The following UBR2 variants were observed in gnomAD, a reference collection of about 807,000 sequenced individuals.
UBR2 encodes ubiquitin protein ligase E3 component n-recognin 2.
UBR2 carries 92 observed loss-of-function variants against 247.9 expected under a neutral mutation model. The observed-to-expected ratio is 0.37, with a 90% CI of 0.31 to 0.44. The LOEUF is 0.44. Among genes scored for constraint, UBR2 ranks in the 20% least tolerant of loss-of-function variants. The probability of loss-of-function intolerance (pLI) is 1.00; values close to 1 mark genes in which losing one functional copy is unlikely to be tolerated. For synonymous variants in UBR2, 672 were observed against 693.5 expected (o/e 0.97, Z 0.49); for missense variants, 1,613 against 2,112.6 (o/e 0.76, Z 4.64).
chr6:42,568,603 G>C (rs1227661793), intron 1 of UBR2, among the ~76,000 whole-genome samples: 2 of 151,946 alleles, frequency 1.3e-5, no homozygotes, highest in Non-Finnish European at 2.9e-5. Flanking sequence ...GGTGGCAGGC[G>C]CCTGTGGTCC....
At chr6:42,589,689 G>C (rs190945252) in intron 2 of UBR2, among the ~76,000 whole-genome samples, 76 of 152,172 alleles carry the variant, frequency 5.0e-4, no homozygotes, top group African/African-American at 1.7e-3. Context: ...ATAGATATAG[G>C]CCTGTTCAGA....
In UBR2 at chr6:42,603,608, A is replaced by G. The variant is rs16895863; in HGVS notation, c.552A>G (p.Ser184=). The G allele has an allele frequency of 2.5e-6, 4 of 1,572,604 alleles. No individual in the cohort carries two copies. Among genetic ancestry groups the G allele is most frequent in the Non-Finnish European group, 3.4e-6 (4 of 1,168,594 alleles). Residue 184 remains serine, a synonymous_variant, in exon 5 of 47, where the codon TCA becomes TCG. Transcript: ENST00000372901. Reference sequence around the variant, plus strand: ...TTCAGGATCCTCTTGTTCATTTATCAGAAGATGTGATAGCAAGAACTTATA... The same window carrying G: ...TTCAGGATCCTCTTGTTCATTTATCGGAAGATGTGATAGCAAGAACTTATA... ...EEEEDPLVHL[S]EDVIARTYNI...
chr6:42,614,215 T>TACAC (rs1317293687), intron 8 of UBR2, among the ~76,000 whole-genome samples: 2 of 50,064 alleles, frequency 4.0e-5, no homozygotes, highest in African/African-American at 1.3e-4. Context: ...ACTATATATA[T>TACAC]ATACACACAC....
chr6:42,678,040 C>A (rs1359005087), intron 40 of UBR2, among the ~76,000 whole-genome samples: 1 of 151,938 alleles, frequency 6.6e-6, no homozygotes, highest in Non-Finnish European at 1.5e-5. Flanking sequence ...CTCTTTATGT[C>A]ACTATGTTAC....
At chr6:42,680,640 T>C (rs1476691149) in intron 42 of UBR2, among the ~76,000 whole-genome samples, 2 of 152,182 alleles carry the variant, frequency 1.3e-5, no homozygotes, top group East Asian at 1.9e-4. Context: ...CCCTCAACTT[T>C]ATATTTGAGA....
At chr6:42,687,183 A>G (rs2151996929) in intron 44 of UBR2, among the ~76,000 whole-genome samples, 1 of 152,340 alleles carries the variant, frequency 6.6e-6, no homozygotes, top group African/African-American at 2.4e-5. Flanking sequence ...ACTGCACTCC[A>G]GCCTGGGCAA....
In UBR2 at chr6:42,684,763, G is replaced by C. The variant is rs749223048; in HGVS notation, c.4776-31G>C. ...TAGTATAATATGACCTAAATTAATG[G>C]AGTGTTCTTTAATTTTTCTCTTTTT... On this transcript the variant is annotated intron_variant, in intron 43 of 46. Coordinates refer to ENST00000372901, the MANE Select transcript of UBR2 (RefSeq NM_001363705.2). 6 of 1,532,056 alleles carry C rather than the reference G, an allele frequency of 3.9e-6. No individual in the cohort carries two copies. The South Asian group carries it at 6.8e-5, about 17-fold the overall frequency. The allele number at this position is 1,532,056 out of a possible 1,614,324, so 94.9% of individuals were successfully genotyped here.
intron 33 of UBR2, among the ~76,000 whole-genome samples, chr6:42,665,723 T>A (rs1053092836): frequency 6.6e-6 from 1 of 152,038 alleles, no homozygotes; most frequent in Non-Finnish European, 1.5e-5. Flanking sequence ...AATAAACACT[T>A]CTCACTTATT....
At chr6:42,586,898 T>C (rs578003937) in intron 2 of UBR2, among the ~76,000 whole-genome samples, 9 of 148,362 alleles carry the variant, frequency 6.1e-5, no homozygotes, top group African/African-American at 2.3e-4. Flanking sequence ...CTCGGCTCAC[T>C]GCAACCTCGC....
intron 8 of UBR2, among the ~76,000 whole-genome samples, chr6:42,614,424 A>ATACATATATACG (rs143366431): frequency 1.5e-4 from 13 of 87,814 alleles, no homozygotes; most frequent in Admixed American, 8.9e-4. Flanking sequence ...ACGTACGTAC[A>ATACATATATACG]TATATATGTA....
At chr6:42,591,333 C>T (rs1365548659) in intron 2 of UBR2, among the ~76,000 whole-genome samples, 2 of 152,200 alleles carry the variant, frequency 1.3e-5, no homozygotes, top group African/African-American at 4.8e-5. Context: ...CCCTTATCTA[C>T]AAGAGTTTTA....
chr6:42,592,310 A>G (rs960285719), intron 3 of UBR2, 81 bp downstream of exon 3: 3 of 1,133,382 alleles, frequency 2.6e-6, no homozygotes, highest in African/African-American at 3.3e-5. Flanking sequence ...AAATGCAAAG[A>G]TTTAACACTA....
chr6:42,595,196 T>C (rs1792891091), intron 4 of UBR2, among the ~76,000 whole-genome samples: 1 of 152,182 alleles, frequency 6.6e-6, no homozygotes, highest in Non-Finnish European at 1.5e-5. Context: ...TATTTGAAAA[T>C]ATACAGTAAA....
At chr6:42,675,906 G>A (rs542033794) in intron 38 of UBR2, 150 bp from the exon 39 acceptor site, 51 of 1,002,168 alleles carry the variant, frequency 5.1e-5, no homozygotes, top group Middle Eastern at 2.2e-4. Flanking sequence ...GCAGTGAACC[G>A]AGGTTGCGCC....
At chr6:42,609,711 C>T (rs1793939216) in intron 7 of UBR2, among the ~76,000 whole-genome samples, 1 of 151,226 alleles carries the variant, frequency 6.6e-6, no homozygotes, top group South Asian at 2.1e-4. Flanking sequence ...ATGGCAAAAT[C>T]CCATTCCTAC....
chr6:42,636,893 G>A, intron 14 of UBR2, 118 bp from the exon 15 acceptor site: 1 of 1,064,612 alleles, frequency 9.4e-7, no homozygotes, highest in Non-Finnish European at 1.3e-6. Context: ...AGGGAGGATT[G>A]AGTTTGGTTT....
Position 42,592,190 on chromosome 6 carries a change from G to A in UBR2, c.378G>A (p.Glu126=), listed in dbSNP as rs748150721. 6.3e-6 allele frequency: 10 copies of A among 1,598,870 alleles called. No homozygotes were observed. The highest frequency in any genetic ancestry group is 5.4e-5 in the Admixed American group (3 of 55,278). Residue 126 remains glutamate (E), a synonymous_variant, in exon 3 of 47, where the codon GAG becomes GAA. Coordinates refer to ENST00000372901, the MANE Select transcript of UBR2 (RefSeq NM_001363705.2). Reference sequence around the variant, plus strand: ...ATCCAACTTGTGTTTTGTGCATGGAGTGCTTTTTGGGAAGTATTCACAGAG... The same window carrying A: ...ATCCAACTTGTGTTTTGTGCATGGAATGCTTTTTGGGAAGTATTCACAGAG... ...AVDPTCVLCM[E]CFLGSIHRDH... is the part of the protein sequence containing the mutation.
At chr6:42,658,215 GA>G (rs1176161972) in intron 27 of UBR2, 24 bp from the exon 28 acceptor site, 2 of 1,609,592 alleles carry the variant, frequency 1.2e-6, no homozygotes, top group South Asian at 2.2e-5. Flanking sequence ...TTTCATACAG[GA>G]TACTGATACT....
At chr6:42,618,684 G>A (rs1361525200) in intron 11 of UBR2, among the ~76,000 whole-genome samples, 1 of 152,196 alleles carries the variant, frequency 6.6e-6, no homozygotes. Context: ...AATTGGACGA[G>A]GATAAAAGTG....
Sources: gnomAD v4.1 joint callset for allele counts (sites outside exome capture counted in the v4.1 genomes callset) on GRCh38, gnomAD v4.1.1 for gene constraint, MANE v1.5 for transcripts, NCBI Gene and HGNC (gene_info 2026-07-23, HGNC 2026-07-21) for gene names.